The following MTMR6 variants were observed in gnomAD, a reference collection of about 807,000 sequenced individuals.
MTMR6 encodes myotubularin related protein 6, also known as phosphatidylinositol-3,5-bisphosphate 3-phosphatase MTMR6.
Under a neutral mutation model 80.1 loss-of-function variants are expected in MTMR6, and 47 were observed. That is an observed-to-expected ratio of 0.59 (90% CI 0.46 to 0.75). MTMR6 has a LOEUF of 0.75. MTMR6 is among the 30% of genes least tolerant of loss of function. The probability of loss-of-function intolerance (pLI) is 0.00; values close to 1 mark genes in which losing one functional copy is unlikely to be tolerated. For missense variants in MTMR6, 629 were observed against 730.9 expected (o/e 0.86, Z 1.61); for synonymous variants, 254 against 253.0 (o/e 1.00, Z -0.04).
At position 25,248,691 on chromosome 13, in the gene MTMR6, A is replaced by G. The variant is rs2137507592; in HGVS notation, c.*541T>C. 1 of 152,978 alleles carries G rather than the reference A, an allele frequency of 6.5e-6. No homozygotes were observed. The highest frequency in any genetic ancestry group is 2.1e-4 in the South Asian group (1 of 4,836). The allele number at this position is 152,978 out of a possible 1,614,324, so 9.5% of individuals were successfully genotyped here. A position where few individuals can be genotyped will look rare whatever the true frequency, so the allele number is the denominator to read the frequency against. ...GCTGACCAGAAGAAAAACAAAACAAAAAATCTTGTTGTAGGCTGTAAAACT... is the reference window on the plus strand; with the variant it reads ...GCTGACCAGAAGAAAAACAAAACAAGAAATCTTGTTGTAGGCTGTAAAACT... On this transcript the variant is annotated 3_prime_UTR_variant, in exon 14 of 14. Coordinates refer to ENST00000381801, the MANE Select transcript of MTMR6 (RefSeq NM_004685.5).
intron 13 of MTMR6, among the ~76,000 whole-genome samples, chr13:25,249,757 A>ACTCTAAGTAATATATGT (rs1392809603): frequency 3.5e-4 from 54 of 152,218 alleles, no homozygotes; most frequent in Non-Finnish European, 7.4e-4. Context: ...CTAGGCTTCC[A>ACTCTAAGTAATATATGT]CACTTAAAAT....
chr13:25,267,533 G>C (rs1371735243), intron 3 of MTMR6, among the ~76,000 whole-genome samples: 1 of 152,118 alleles, frequency 6.6e-6, no homozygotes, highest in Admixed American at 6.6e-5. Flanking sequence ...TAAACCTGTG[G>C]TTTTGTAAGT....
At chr13:25,258,893 C>A (rs1299159252) in intron 6 of MTMR6, among the ~76,000 whole-genome samples, 1 of 152,004 alleles carries the variant, frequency 6.6e-6, no homozygotes, top group Non-Finnish European at 1.5e-5. Context: ...TAAAGTAATA[C>A]GATTGCTATA....
At chr13:25,279,941 A>G (rs1260803194) in intron 1 of MTMR6, among the ~76,000 whole-genome samples, 1 of 152,208 alleles carries the variant, frequency 6.6e-6, no homozygotes, top group Non-Finnish European at 1.5e-5. Flanking sequence ...GGCTTGTAAG[A>G]TCATTCCAGT....
Position 25,265,927 on chromosome 13 carries a change from T to C in MTMR6, c.483A>G (p.Arg161=), listed in dbSNP as rs764666425. The change falls in exon 5 of 14, where the codon AGA becomes AGG. Residue 161 remains arginine, a synonymous_variant. Coordinates refer to ENST00000381801, the MANE Select transcript of MTMR6 (RefSeq NM_004685.5). ...RDYKICETYP[R]ELYVPRIASK... The stretch of plus-strand genomic sequence containing the variant: ...TTGCTATCCGGGGAACATAAAGTTC[T>C]CTGGGGTAAGTTTCACAAATCTGTA... The C allele has an allele frequency of 3.1e-6, 5 of 1,613,914 alleles. No homozygotes were observed. The South Asian group carries it at 4.4e-5, about 14-fold the overall frequency.
At chr13:25,284,330 T>C (rs967305918) in intron 1 of MTMR6, among the ~76,000 whole-genome samples, 7 of 152,100 alleles carry the variant, frequency 4.6e-5, no homozygotes, top group Non-Finnish European at 1.0e-4. Flanking sequence ...TTACTTAAAT[T>C]CTCTAAGCCT....
Position 25,274,835 on chromosome 13 carries a change from A to G in MTMR6, c.25-648T>C, listed in dbSNP as rs534896771. Reference sequence around the variant, plus strand: ...ATGTTTTGGCTTTGCATTCCTCTGCAGCTCTGAATTCCCTGGCATAGATTA... The same window carrying G: ...ATGTTTTGGCTTTGCATTCCTCTGCGGCTCTGAATTCCCTGGCATAGATTA... On this transcript the variant is annotated intron_variant, in intron 1 of 13. Transcript: ENST00000381801. 1.6e-3 allele frequency among the ~76,000 whole-genome samples: 241 copies of G among 152,220 alleles called. 2 individuals carry two copies. Among genetic ancestry groups the G allele is most frequent in the African/African-American group, 5.5e-3 (230 of 41,530 alleles).
intron 2 of MTMR6, among the ~76,000 whole-genome samples, chr13:25,270,050 T>C (rs1345582766): frequency 1.3e-5 from 2 of 152,256 alleles, no homozygotes; most frequent in Non-Finnish European, 2.9e-5. Context: ...ATTTGCATTA[T>C]ACTTATCAAT....
chr13:25,267,998 C>A, intron 2 of MTMR6, 57 bp from the exon 3 acceptor site: 1 of 1,461,798 alleles, frequency 6.8e-7, no homozygotes, highest in African/African-American at 1.4e-5. Context: ...ATATTCTCTT[C>A]TAGAATGCAT....
chr13:25,273,330 T>C (rs2137596615), intron 2 of MTMR6, among the ~76,000 whole-genome samples: 1 of 152,142 alleles, frequency 6.6e-6, no homozygotes, highest in Non-Finnish European at 1.5e-5. Flanking sequence ...GAAAGAAACA[T>C]ATACATATGT....
At position 25,247,942 on chromosome 13, in the gene MTMR6, A is replaced by C. The variant is rs371102067; in HGVS notation, c.*1290T>G. 1.4e-4 allele frequency: 21 copies of C among 152,276 alleles called. No homozygotes were observed. The highest frequency in any genetic ancestry group is 4.6e-4 in the African/African-American group (19 of 41,578). 9.4% of individuals were successfully genotyped at this position (152,276 alleles called of 1,614,324 possible). ...CAGTTGGGTGATATTGCTAATTCCAAGTGATAGTTTTGGGGTTTTTATGTT... is the reference window on the plus strand; with the variant it reads ...CAGTTGGGTGATATTGCTAATTCCACGTGATAGTTTTGGGGTTTTTATGTT... On this transcript the variant is annotated 3_prime_UTR_variant, in exon 14 of 14. Transcript: ENST00000381801.
intron 5 of MTMR6, among the ~76,000 whole-genome samples, chr13:25,264,069 T>A (rs1309338391): frequency 6.6e-6 from 1 of 152,014 alleles, no homozygotes; most frequent in Non-Finnish European, 1.5e-5. Context: ...CAATAACTAA[T>A]GTGGGAAGCA....
chr13:25,277,202 C>A (rs1047208528), intron 1 of MTMR6, among the ~76,000 whole-genome samples: 4 of 152,304 alleles, frequency 2.6e-5, no homozygotes, highest in Non-Finnish European at 5.9e-5. Context: ...CGTGAATGAT[C>A]CTATGACTTC....
chr13:25,261,779 C>T lies in MTMR6; in HGVS notation c.615G>A (p.Gln205=), dbSNP rs747140629. The change falls in exon 6 of 14, where the codon CAG becomes CAA. Residue 205 remains glutamine (Q), a synonymous_variant. Coordinates refer to ENST00000381801, the MANE Select transcript of MTMR6 (RefSeq NM_004685.5). The part of the protein sequence containing the change: ...DKEAAICRCS[Q]PLSGFSARCL... ...ACCTGGCACTGAATCCAGAGAGTGG[C>T]TGACTACATCGACAAATGGCAGCCT... is the stretch of plus-strand genomic sequence containing the variant. The T allele has an allele frequency of 3.1e-6, 5 of 1,613,148 alleles. No homozygotes were observed. Among genetic ancestry groups the T allele is most frequent in the Non-Finnish European group, 3.4e-6 (4 of 1,179,502 alleles).
intron 6 of MTMR6, among the ~76,000 whole-genome samples, chr13:25,259,205 C>T (rs761498842): frequency 8.5e-5 from 13 of 152,086 alleles, no homozygotes; most frequent in Non-Finnish European, 1.0e-4. Flanking sequence ...ATTGGAGGCC[C>T]ATACATCATA....
At chr13:25,270,206 T>A (rs1488263273) in intron 2 of MTMR6, among the ~76,000 whole-genome samples, 1 of 152,152 alleles carries the variant, frequency 6.6e-6, no homozygotes, top group African/African-American at 2.4e-5. Flanking sequence ...CCAAAAGTAT[T>A]TGCAGGAAGA....
intron 5 of MTMR6, among the ~76,000 whole-genome samples, chr13:25,265,109 T>C (rs1957428328): frequency 6.6e-6 from 1 of 152,162 alleles, no homozygotes; most frequent in Admixed American, 6.5e-5. Flanking sequence ...CCTCCTCCAC[T>C]GTTTCATGTT....
intron 6 of MTMR6, among the ~76,000 whole-genome samples, chr13:25,259,889 T>C (rs1957294470): frequency 6.7e-6 from 1 of 148,832 alleles, no homozygotes; most frequent in Non-Finnish European, 1.5e-5. Flanking sequence ...AATTATTAAT[T>C]TTTTTTTTGT....
At chr13:25,276,891 C>T (rs2137614535) in intron 1 of MTMR6, among the ~76,000 whole-genome samples, 1 of 152,280 alleles carries the variant, frequency 6.6e-6, no homozygotes, top group East Asian at 1.9e-4. Flanking sequence ...GTAGTATGTA[C>T]TAGTACTGTC....
Sources: allele counts gnomAD v4.1 joint callset (sites outside exome capture counted in the v4.1 genomes callset), GRCh38; gene constraint gnomAD v4.1.1; transcripts MANE v1.5; gene names NCBI Gene and HGNC (gene_info 2026-07-23, HGNC 2026-07-21).